ATP8A2: variants seen among roughly 807,000 people sequenced by gnomAD.
The protein encoded by ATP8A2 is ATPase phospholipid transporting 8A2, also known as phospholipid-transporting ATPase IB.
Under a neutral mutation model 165.6 loss-of-function variants are expected in ATP8A2, and 100 were observed. The observed-to-expected ratio is 0.60, with a 90% CI of 0.51 to 0.71. ATP8A2 has a LOEUF of 0.71. Among genes scored for constraint, ATP8A2 ranks in the 30% least tolerant of loss-of-function variants. ATP8A2 has a pLI of 0.00. For synonymous variants in ATP8A2, 543 were observed against 548.8 expected (o/e 0.99, Z 0.15); for missense variants, 1,227 against 1,479.5 (o/e 0.83, Z 2.80).
At chr13:25,436,229 G>A (rs565199593) in intron 1 of ATP8A2, among the ~76,000 whole-genome samples, 195 of 152,240 alleles carry the variant, frequency 1.3e-3, no homozygotes, top group South Asian at 4.8e-3. Flanking sequence ...CAGACAGTGA[G>A]CACAGCACCC....
At chr13:25,629,715 C>A (rs1260120293) in intron 24 of ATP8A2, among the ~76,000 whole-genome samples, 1 of 152,114 alleles carries the variant, frequency 6.6e-6, no homozygotes, top group Admixed American at 6.6e-5. Context: ...TCACCCGCCC[C>A]CTTCCACCCT....
At chr13:25,820,049 T>A (rs1247690484) in intron 27 of ATP8A2, among the ~76,000 whole-genome samples, 1 of 152,202 alleles carries the variant, frequency 6.6e-6, no homozygotes, top group East Asian at 1.9e-4. Context: ...GAACAGGTCA[T>A]CCCTTTTCCA....
chr13:25,737,972 T>C (rs7318640), intron 25 of ATP8A2, among the ~76,000 whole-genome samples: 79,425 of 152,108 alleles, frequency 0.52, 22,623 homozygotes, highest in East Asian at 0.75. Context: ...GCGTGAGCCA[T>C]CACACCCAGC....
chr13:25,904,497 A>G (rs1026346367), intron 33 of ATP8A2, among the ~76,000 whole-genome samples: 4 of 151,996 alleles, frequency 2.6e-5, no homozygotes, highest in African/African-American at 7.2e-5. Context: ...GCCCCTCACC[A>G]TGCGCCTCTT....
At chr13:25,427,597 A>T (rs993196109) in intron 1 of ATP8A2, among the ~76,000 whole-genome samples, 1 of 151,426 alleles carries the variant, frequency 6.6e-6, no homozygotes, top group Non-Finnish European at 1.5e-5. Flanking sequence ...AAACTTCTCT[A>T]AAAAAAACAA....
chr13:25,673,580 A>T (rs1334322488), intron 24 of ATP8A2, among the ~76,000 whole-genome samples: 1 of 152,198 alleles, frequency 6.6e-6, no homozygotes, highest in Non-Finnish European at 1.5e-5. Flanking sequence ...ACAAATTGGC[A>T]TTTATTGCTC....
chr13:25,880,047 C>T lies in ATP8A2; in HGVS notation c.3183+17639C>T, dbSNP rs115123410. 7.1e-3 allele frequency among the ~76,000 whole-genome samples: 1,077 copies of T among 152,298 alleles called. 11 individuals are homozygous for T. The highest frequency in any genetic ancestry group is 0.024 in the African/African-American group (1,010 of 41,556). On this transcript the variant is annotated intron_variant, in intron 33 of 36. Transcript: ENST00000381655. ...GTAGGTGGTGAAGAAGAGGTGGCCTCCTAGACAAAGCCACAGCGGCGTAGG... is the reference window on the plus strand; with the variant it reads ...GTAGGTGGTGAAGAAGAGGTGGCCTTCTAGACAAAGCCACAGCGGCGTAGG...
chr13:26,007,518 T>C (rs371014289), intron 35 of ATP8A2, among the ~76,000 whole-genome samples: 13 of 152,248 alleles, frequency 8.5e-5, no homozygotes, highest in African/African-American at 2.9e-4. Context: ...TCTGTAGACA[T>C]GGTGTTTTCC....
chr13:25,661,626 GA>G (rs1298204822), intron 24 of ATP8A2, among the ~76,000 whole-genome samples: 5 of 152,174 alleles, frequency 3.3e-5, no homozygotes, highest in Non-Finnish European at 7.3e-5. Flanking sequence ...TAGCTCTGGA[GA>G]GACGGTCTTT....
At chr13:25,437,507 C>G (rs1382934220) in intron 1 of ATP8A2, among the ~76,000 whole-genome samples, 1 of 152,158 alleles carries the variant, frequency 6.6e-6, no homozygotes, top group Non-Finnish European at 1.5e-5. Context: ...TTCAACAGAT[C>G]AAAGCTCTTA....
At chr13:25,902,939 GCA>G (rs3221410) in intron 33 of ATP8A2, among the ~76,000 whole-genome samples, 11,029 of 140,020 alleles carry the variant, frequency 0.079, 502 homozygotes, top group Middle Eastern at 0.15. Context: ...TCCTCAGCAT[GCA>G]CACACACACA....
rs1957077899 is a variant in ATP8A2 at position 26,021,206 on chromosome 13, A to G, written c.*1221A>G. 1 of 152,298 alleles carries G rather than the reference A, an allele frequency of 6.6e-6. No homozygotes were observed. 9.4% of individuals were successfully genotyped at this position (152,298 alleles called of 1,614,324 possible). On this transcript the variant is annotated 3_prime_UTR_variant, in exon 37 of 37. Transcript: ENST00000381655. ...CGACCACAGAAGTCCTCAGAAGGAG[A>G]AGGAAGGACACGGAGACACTGAGAG...
At chr13:25,823,702 C>A (rs1234990342) in intron 27 of ATP8A2, among the ~76,000 whole-genome samples, 1 of 152,098 alleles carries the variant, frequency 6.6e-6, no homozygotes, top group African/African-American at 2.4e-5. Flanking sequence ...TCATTAATTT[C>A]TATAGCAGGA....
chr13:25,608,524 G>A (rs915666798), intron 24 of ATP8A2, among the ~76,000 whole-genome samples: 4 of 152,094 alleles, frequency 2.6e-5, no homozygotes, highest in African/African-American at 4.8e-5. Flanking sequence ...CAAAGGAAAC[G>A]TCTAAGGTGC....
intron 27 of ATP8A2, among the ~76,000 whole-genome samples, chr13:25,802,988 G>A (rs1457865805): frequency 1.3e-5 from 2 of 151,838 alleles, no homozygotes; most frequent in Non-Finnish European, 2.9e-5. Context: ...TTAGATATGG[G>A]TAAGACAACT....
intron 27 of ATP8A2, among the ~76,000 whole-genome samples, chr13:25,811,513 G>T (rs974226440): frequency 3.3e-5 from 5 of 152,136 alleles, no homozygotes; most frequent in Admixed American, 2.6e-4. Context: ...TGCCCCGGTT[G>T]TACTTCTCTT....
chr13:25,733,589 G>A (rs956117153), intron 25 of ATP8A2, among the ~76,000 whole-genome samples: 1 of 152,094 alleles, frequency 6.6e-6, no homozygotes, highest in South Asian at 2.1e-4. Flanking sequence ...TTTAATTTTA[G>A]TCATTTATAA....
chr13:25,756,234 T>G (rs1274122604), intron 25 of ATP8A2, among the ~76,000 whole-genome samples: 1 of 152,204 alleles, frequency 6.6e-6, no homozygotes, highest in East Asian at 1.9e-4. Flanking sequence ...TTATTCAGTT[T>G]TCATGGTTAT....
intron 24 of ATP8A2, among the ~76,000 whole-genome samples, chr13:25,629,169 A>T (rs979505449): frequency 6.6e-6 from 1 of 152,186 alleles, no homozygotes; most frequent in Non-Finnish European, 1.5e-5. Flanking sequence ...GCACATAGAA[A>T]GTGTTCGTAG....
Sources: gnomAD v4.1 joint callset for allele counts (sites outside exome capture counted in the v4.1 genomes callset) on GRCh38, gnomAD v4.1.1 for gene constraint, MANE v1.5 for transcripts, NCBI Gene and HGNC (gene_info 2026-07-23, HGNC 2026-07-21) for gene names.